The following PAICS variants were observed in gnomAD, a reference collection of about 807,000 sequenced individuals.
PAICS encodes the protein phosphoribosylaminoimidazole carboxylase and phosphoribosylaminoimidazolesuccinocarboxamide synthase.
In PAICS, 33 loss-of-function variants were observed where a neutral mutation model predicts 53.7. The ratio of observed to expected loss-of-function variants is 0.61; its 90% confidence interval spans 0.47 to 0.82. The LOEUF is 0.82. Ranked by LOEUF, PAICS falls within the 40% of genes least tolerant of loss-of-function variation. The pLI is 0.00. For synonymous variants in PAICS, 141 were observed against 167.2 expected, an observed-to-expected ratio of 0.84 and a Z score of 1.21; for missense variants, 394 against 494.1, an observed-to-expected ratio of 0.80 and a Z score of 1.92.
At chr4:56,442,379 C>A (rs1272625732) in intron 2 of PAICS, among the ~76,000 whole-genome samples, 1 of 152,122 alleles carries the variant, frequency 6.6e-6, no homozygotes, top group Non-Finnish European at 1.5e-5. Flanking sequence ...CCCAGAGCGC[C>A]CTCCTGTTCA....
intron 8 of PAICS, among the ~76,000 whole-genome samples, chr4:56,456,667 C>G (rs1035643335): frequency 6.6e-6 from 1 of 150,972 alleles, no homozygotes; most frequent in African/African-American, 2.4e-5. Context: ...CCTCAGCCTC[C>G]CAAAGTGTTG....
rs182199977 is a variant in PAICS at position 56,462,303 on chromosome 4, G to A, written c.*2765G>A. ...CAAACATGAGAATTGCTAGAGCTCT[G>A]TGAACAAGGATGAGAGTGGAAGACA... On this transcript the variant is annotated 3_prime_UTR_variant, in exon 9 of 9. Transcript: ENST00000512576. 1.2e-4 allele frequency: 19 copies of A among 152,344 alleles called. No homozygotes were observed. The highest frequency in any genetic ancestry group is 4.6e-4 in the African/African-American group (19 of 41,568). The allele number at this position is 152,344 out of a possible 1,614,324, so 9.4% of individuals were successfully genotyped here. A position where few individuals can be genotyped will look rare whatever the true frequency, so the allele number is the denominator to read the frequency against.
At chr4:56,424,967 T>A in the PAICS span, among the ~76,000 whole-genome samples, 2 of 152,212 alleles carry the variant, frequency 1.3e-5, no homozygotes, top group Non-Finnish European at 2.9e-5. Context: ...AAATATATCC[T>A]ATTAGAGGAG....
upstream of PAICS, chr4:56,435,920 C>G (rs1445396591): frequency 6.7e-7 from 1 of 1,485,290 alleles, no homozygotes; most frequent in East Asian, 2.9e-5. Context: ...CCCAGGCCGT[C>G]AAGACTTGGT....
At chr4:56,430,647 A>C in the PAICS span, among the ~76,000 whole-genome samples, 48 of 151,720 alleles carry the variant, frequency 3.2e-4, no homozygotes, top group African/African-American at 1.2e-3. Flanking sequence ...CTATGTCTGG[A>C]TATAAATGCA....
Position 56,439,686 on chromosome 4 carries a change from A to T in PAICS, c.17-1977A>T, listed in dbSNP as rs1418554433. ...TTTTTTTTTATTGAGACAGGGTCTCACTCTATCACCCAGGCTTGAGTGAAA... is the reference window on the plus strand; with the variant it reads ...TTTTTTTTTATTGAGACAGGGTCTCTCTCTATCACCCAGGCTTGAGTGAAA... On this transcript the variant is annotated intron_variant, in intron 1 of 8. Coordinates refer to ENST00000512576, the MANE Select transcript of PAICS (RefSeq NM_001079524.2). 3.3e-5 allele frequency among the ~76,000 whole-genome samples: 5 copies of T among 151,568 alleles called. No individual in the cohort carries two copies. The East Asian group carries it at 9.8e-4, about 30-fold the overall frequency.
At position 56,438,408 on chromosome 4, in the gene PAICS, GT is replaced by G. The variant is rs527945213; in HGVS notation, c.16+2088del. On this transcript the variant is annotated intron_variant, in intron 1 of 8. Coordinates refer to ENST00000512576, the MANE Select transcript of PAICS (RefSeq NM_001079524.2). ...ATATATATATATATATATATAAAAG[GT>G]TTTTTTTGTTGTTGTTTTTTGTTTG... 4.1e-4 allele frequency among the ~76,000 whole-genome samples: 25 copies of G among 60,698 alleles called. No homozygotes were observed. In the South Asian group the frequency reaches 0.012, roughly 29 times the overall value. The allele number at this position is 60,698 out of a possible 152,430, so 39.8% of individuals were successfully genotyped here. A position where few individuals can be genotyped will look rare whatever the true frequency, so the allele number is the denominator to read the frequency against.
the PAICS span, chr4:56,414,180 G>C: frequency 6.6e-6 from 1 of 152,184 alleles, no homozygotes; most frequent in African/African-American, 2.4e-5. Context: ...CCTTGCACCA[G>C]GTTTGATTCA....
intron 7 of PAICS, among the ~76,000 whole-genome samples, chr4:56,452,947 A>T (rs1037847093): frequency 6.6e-6 from 1 of 152,140 alleles, no homozygotes. Flanking sequence ...GGTTGGGGGA[A>T]CTCAGACTCC....
chr4:56,411,962 G>C, the PAICS span, among the ~76,000 whole-genome samples: 1 of 152,152 alleles, frequency 6.6e-6, no homozygotes, highest in African/African-American at 2.4e-5. Flanking sequence ...ACCAAATTCT[G>C]AGAAAGCTTT....
At chr4:56,457,013 C>G (rs1719246639) in intron 8 of PAICS, among the ~76,000 whole-genome samples, 2 of 152,100 alleles carry the variant, frequency 1.3e-5, no homozygotes, top group South Asian at 2.1e-4. Context: ...CAAACAACCC[C>G]TCACATTAGT....
chr4:56,448,622 A>G, intron 4 of PAICS, 25 bp downstream of exon 4: 1 of 1,566,920 alleles, frequency 6.4e-7, no homozygotes, highest in Non-Finnish European at 8.7e-7. Flanking sequence ...AGTACAGATA[A>G]AACAACAGGA....
the PAICS span, among the ~76,000 whole-genome samples, chr4:56,427,389 A>G: frequency 1.3e-5 from 2 of 152,346 alleles, no homozygotes; most frequent in Non-Finnish European, 2.9e-5. Flanking sequence ...TTGCTTGGTC[A>G]TATGGCATAT....
Position 56,452,123 on chromosome 4 carries a change from A to G in PAICS, c.952+71A>G, listed in dbSNP as rs114094388. 2.6e-3 allele frequency: 2,441 copies of G among 940,348 alleles called. 52 individuals are homozygous for G. The African/African-American group carries it at 0.035, about 14-fold the overall frequency. 58.3% of individuals were successfully genotyped at this position (940,348 alleles called of 1,614,324 possible). On this transcript the variant is annotated intron_variant, in intron 7 of 8. Coordinates refer to ENST00000512576, the MANE Select transcript of PAICS (RefSeq NM_001079524.2). ...TAAAAGTAATTACACACTTTAGACT[A>G]ATAATGCTGAAAAAAGAGCTTTGTC...
At chr4:56,445,012 A>T (rs924713417) in intron 2 of PAICS, among the ~76,000 whole-genome samples, 3 of 152,226 alleles carry the variant, frequency 2.0e-5, no homozygotes, top group African/African-American at 7.2e-5. Flanking sequence ...CATTCATTAA[A>T]AGTTAAACAA....
Position 56,452,054 on chromosome 4 carries a change from TA to T in PAICS, c.952+5del. ...TGAGGATTAAAGCTGAGTATGAAGG[TA>T]AACCACAAGTAATATGGACATTTCA... On this transcript the variant is annotated splice_donor_region_variant and intron_variant, in intron 7 of 8. Coordinates refer to ENST00000512576, the MANE Select transcript of PAICS (RefSeq NM_001079524.2). 1 of 1,577,714 alleles carries T rather than the reference TA, an allele frequency of 6.3e-7. No homozygotes were observed. The highest frequency in any genetic ancestry group is 8.7e-7 in the Non-Finnish European group (1 of 1,153,166).
chr4:56,436,150 T>C (rs563448388), upstream of PAICS: 15 of 1,485,958 alleles, frequency 1.0e-5, no homozygotes, highest in South Asian at 1.7e-4. Flanking sequence ...TCTCCGCCCA[T>C]ACCCCTCCGG....
At chr4:56,455,067 GAATCGCTTGAACCTGGGAGGCAGAGGTGA>G (rs1425722954) in intron 8 of PAICS, among the ~76,000 whole-genome samples, 12 of 152,182 alleles carry the variant, frequency 7.9e-5, no homozygotes, top group African/African-American at 2.4e-4. Context: ...TGAGGTAGGA[GAATCGCTTGAACCTGGGAGGCAGAGGTGA>G]GTCAAGATTG....
intron 1 of PAICS, among the ~76,000 whole-genome samples, chr4:56,437,819 C>CAAAAAAAAA (rs869109998): frequency 4.6e-5 from 1 of 21,592 alleles, no homozygotes; most frequent in Non-Finnish European, 9.3e-5. Context: ...GACTCTGTCT[C>CAAAAAAAAA]AAAAAAAAAA....
Sources: allele counts gnomAD v4.1 joint callset (sites outside exome capture counted in the v4.1 genomes callset), GRCh38; gene constraint gnomAD v4.1.1; transcripts MANE v1.5; gene names NCBI Gene and HGNC (gene_info 2026-07-23, HGNC 2026-07-21).